The following SACM1L variants were observed in gnomAD, a reference collection of about 807,000 sequenced individuals.
SACM1L encodes phosphatidylinositol-3-phosphatase SAC1.
Under a neutral mutation model 89.5 loss-of-function variants are expected in SACM1L, and 32 were observed. That is an observed-to-expected ratio of 0.36 (90% CI 0.27 to 0.48). The LOEUF (loss-of-function observed/expected upper bound fraction) is 0.48, where lower values mean the gene tolerates loss of function less well. Ranked by LOEUF, SACM1L falls within the 20% of genes least tolerant of loss-of-function variation. The pLI, the probability that SACM1L is intolerant of heterozygous loss-of-function variation, is 0.99. For missense variants in SACM1L, 543 were observed against 708.5 expected (o/e 0.77, Z 2.65); for synonymous variants, 213 against 232.8 (o/e 0.92, Z 0.77).
chr3:45,743,714 G>A lies in SACM1L; in HGVS notation c.*45G>A. ...GGCTTGGCTTGGAAGATTCCATTGT[G>A]CAGAACTGGAGTCTTTACTGACCCG... On this transcript the variant is annotated 3_prime_UTR_variant, in exon 20 of 20. Coordinates refer to ENST00000389061, the MANE Select transcript of SACM1L (RefSeq NM_014016.5). 1.3e-6 allele frequency: 2 copies of A among 1,592,198 alleles called. No individual in the cohort carries two copies. Among genetic ancestry groups the A allele is most frequent in the Admixed American group, 1.7e-5 (1 of 57,158 alleles).
At chr3:45,719,403 C>T in intron 7 of SACM1L, 97 bp from the exon 8 acceptor site, 1 of 615,400 alleles carries the variant, frequency 1.6e-6, no homozygotes, top group Non-Finnish European at 2.7e-6. Flanking sequence ...GTCATTTTTT[C>T]TCTTAAAGAC....
chr3:45,741,124 G>T (rs1699304419), intron 19 of SACM1L, among the ~76,000 whole-genome samples: 3 of 152,202 alleles, frequency 2.0e-5, no homozygotes, highest in Non-Finnish European at 2.9e-5. Flanking sequence ...CACTCTGAAA[G>T]AAGAGGCACC....
intron 10 of SACM1L, among the ~76,000 whole-genome samples, 162 bp downstream of exon 10, chr3:45,723,117 G>A (rs1038356359): frequency 6.6e-6 from 1 of 152,214 alleles, no homozygotes; most frequent in Admixed American, 6.5e-5. Flanking sequence ...ACCAAAAGGT[G>A]TGTGGGTGGC....
intron 8 of SACM1L, among the ~76,000 whole-genome samples, chr3:45,720,575 G>A (rs1190241765): frequency 1.3e-5 from 2 of 151,896 alleles, no homozygotes; most frequent in Non-Finnish European, 2.9e-5. Context: ...TCTGCACCTT[G>A]TTTCCTTTTT....
At chr3:45,714,023 C>G (rs1698583846) in intron 6 of SACM1L, 23 bp from the exon 7 acceptor site, 1 of 1,316,766 alleles carries the variant, frequency 7.6e-7, no homozygotes, top group East Asian at 2.5e-5. Context: ...TATATTTATT[C>G]TAAATATATA....
intron 16 of SACM1L, 73 bp from the exon 17 acceptor site, chr3:45,738,505 G>T: frequency 1.2e-6 from 1 of 845,646 alleles, no homozygotes; most frequent in Non-Finnish European, 2.0e-6. Flanking sequence ...TATACCTTAT[G>T]CTTATTGGCC....
chr3:45,743,560 A>G lies in SACM1L; in HGVS notation c.1655A>G (p.Tyr552Cys), dbSNP rs1335900457. Residue 552 changes from tyrosine (Y) to cysteine (C), a missense_variant, in exon 20 of 20, where the codon TAT (tyrosine) becomes TGT (cysteine). Physicochemically the swap from Tyr to Cys is radical, Grantham distance 194. Coordinates refer to ENST00000389061, the MANE Select transcript of SACM1L (RefSeq NM_014016.5). Reference protein sequence around the residue: ...AGDTWTETLAYVLFWGVASIG... With the variant: ...AGDTWTETLACVLFWGVASIG... The stretch of plus-strand genomic sequence containing the variant: ...GACACTTGGACAGAAACACTGGCCT[A>G]TGTGCTCTTCTGGGGAGTTGCAAGC... 1.3e-5 allele frequency: 21 copies of G among 1,613,408 alleles called. No individual in the cohort carries two copies. Among genetic ancestry groups the G allele is most frequent in the Admixed American group, 1.7e-5 (1 of 59,806 alleles).
intron 1 of SACM1L, among the ~76,000 whole-genome samples, chr3:45,692,831 A>T (rs1202808897): frequency 2.0e-5 from 3 of 152,248 alleles, no homozygotes; most frequent in African/African-American, 7.2e-5. Context: ...GGACAAGAGG[A>T]TGGAAAGCTA....
At chr3:45,692,858 G>A (rs1698028303) in intron 1 of SACM1L, among the ~76,000 whole-genome samples, 1 of 152,206 alleles carries the variant, frequency 6.6e-6, no homozygotes, top group African/African-American at 2.4e-5. Flanking sequence ...TCAATCCATA[G>A]TACTGTTTGA....
chr3:45,701,292 T>C (rs1453314000), intron 1 of SACM1L, among the ~76,000 whole-genome samples: 2 of 152,130 alleles, frequency 1.3e-5, no homozygotes, highest in Non-Finnish European at 2.9e-5. Context: ...ACAAAACTGG[T>C]TTGAATCTCA....
chr3:45,739,702 A>T lies in SACM1L; in HGVS notation c.1627+58A>T, dbSNP rs1699275757. On this transcript the variant is annotated intron_variant, in intron 19 of 19. Transcript: ENST00000389061. ...AGAATGTTGACCTTTCTTTTACAAC[A>T]TCTTAAGTTTTTGAGTTCACCGAAC... 4 of 1,524,168 alleles carry T rather than the reference A, an allele frequency of 2.6e-6. No individual in the cohort carries two copies. The Admixed American group carries it at 6.7e-5, about 26-fold the overall frequency. The allele number at this position is 1,524,168 out of a possible 1,614,324, so 94.4% of individuals were successfully genotyped here. A position where few individuals can be genotyped will look rare whatever the true frequency, so the allele number is the denominator to read the frequency against.
intron 19 of SACM1L, 31 bp downstream of exon 19, chr3:45,739,675 T>C: frequency 6.2e-7 from 1 of 1,602,772 alleles, no homozygotes; most frequent in Non-Finnish European, 8.5e-7. Context: ...TGTTTCTTAG[T>C]TAGAATGTTG....
intron 1 of SACM1L, among the ~76,000 whole-genome samples, chr3:45,693,611 T>G (rs1055020008): frequency 2.0e-5 from 3 of 152,244 alleles, no homozygotes; most frequent in Non-Finnish European, 4.4e-5. Context: ...GAGCTAGCCT[T>G]GGAATACGGC....
intron 10 of SACM1L, among the ~76,000 whole-genome samples, chr3:45,723,216 T>C (rs1031989185): frequency 6.6e-6 from 1 of 152,144 alleles, no homozygotes; most frequent in Admixed American, 6.5e-5. Context: ...AACTTTATGC[T>C]TTTTAGGGTA....
chr3:45,724,848 A>C (rs1365102234), intron 11 of SACM1L, among the ~76,000 whole-genome samples: 2 of 152,020 alleles, frequency 1.3e-5, no homozygotes, highest in Non-Finnish European at 2.9e-5. Context: ...AAAACTGCAC[A>C]TGAGTTAATT....
Position 45,722,857 on chromosome 3 carries a change from C to T in SACM1L, c.766-12C>T. 6.3e-7 allele frequency: 1 copy of T among 1,596,610 alleles called. No individual in the cohort carries two copies. Among genetic ancestry groups the T allele is most frequent in the Non-Finnish European group, 8.6e-7 (1 of 1,164,838 alleles). On this transcript the variant is annotated splice_polypyrimidine_tract_variant and intron_variant, in intron 9 of 19. Transcript: ENST00000389061. ...TTTGTGTTTCTTTTCACATTTCTCT[C>T]TTTTCTTTTAGACTCGAGGATCAAT... is the stretch of plus-strand genomic sequence containing the variant.
At chr3:45,721,110 G>C (rs1040910898) in intron 8 of SACM1L, among the ~76,000 whole-genome samples, 1 of 152,220 alleles carries the variant, frequency 6.6e-6, no homozygotes, top group Non-Finnish European at 1.5e-5. Flanking sequence ...GGTTTTGTGA[G>C]CATATTCATG....
At chr3:45,733,571 A>G (rs368959731) in intron 13 of SACM1L, among the ~76,000 whole-genome samples, 1 of 152,286 alleles carries the variant, frequency 6.6e-6, no homozygotes, top group South Asian at 2.1e-4. Flanking sequence ...TTTTCATCCT[A>G]ACACATTCTT....
At chr3:45,695,609 T>G (rs1012651505) in intron 1 of SACM1L, among the ~76,000 whole-genome samples, 1 of 152,240 alleles carries the variant, frequency 6.6e-6, no homozygotes, top group Non-Finnish European at 1.5e-5. Flanking sequence ...GCTACAGTTT[T>G]ATGACATATC....
Sources: gnomAD v4.1 joint callset for allele counts (sites outside exome capture counted in the v4.1 genomes callset) on GRCh38, gnomAD v4.1.1 for gene constraint, MANE v1.5 for transcripts, NCBI Gene and HGNC (gene_info 2026-07-23, HGNC 2026-07-21) for gene names.